NICOL1: variants seen among roughly 807,000 people sequenced by gnomAD.
The protein encoded by NICOL1 is NELL2-interacting cell ontogeny regulator 1.
At chr4:2,042,012 G>A in the NICOL1 span, 1 of 1,471,228 alleles carries the variant, frequency 6.8e-7, no homozygotes, top group Non-Finnish European at 8.9e-7. Flanking sequence ...TTGCGCGCCG[G>A]ACGCGGAACG....
chr4:2,037,562 T>C, the NICOL1 span, among the ~76,000 whole-genome samples: 1 of 152,224 alleles, frequency 6.6e-6, no homozygotes, highest in African/African-American at 2.4e-5. Flanking sequence ...TTTCTTCATA[T>C]GAAAAAATAA....
chr4:2,042,101 G>A, the NICOL1 span: 1 of 1,484,088 alleles, frequency 6.7e-7, no homozygotes, highest in Non-Finnish European at 8.9e-7. Context: ...CCGAATGGGC[G>A]TTTTCTAGAT....
At chr4:2,042,315 C>A in the NICOL1 span, 2 of 661,604 alleles carry the variant, frequency 3.0e-6, no homozygotes, top group Non-Finnish European at 4.6e-6. Context: ...GCTGACCCCT[C>A]GCTGGCTTCA....
the NICOL1 span, among the ~76,000 whole-genome samples, chr4:2,043,667 G>A: frequency 4.6e-5 from 7 of 152,314 alleles, no homozygotes; most frequent in Non-Finnish European, 8.8e-5. Context: ...CAGACCCCAG[G>A]CAGGCCCCAC....
the NICOL1 span, chr4:2,041,915 A>T: frequency 7.2e-7 from 1 of 1,392,372 alleles, no homozygotes; most frequent in South Asian, 1.5e-5. Flanking sequence ...AGGTTCCTCT[A>T]AACCCGCGGC....
At chr4:2,041,458 C>A in the NICOL1 span, among the ~76,000 whole-genome samples, 1 of 152,102 alleles carries the variant, frequency 6.6e-6, no homozygotes, top group East Asian at 1.9e-4. Flanking sequence ...GAGAGGAGGA[C>A]CCTGGGTTGG....
At chr4:2,037,975 C>A in the NICOL1 span, among the ~76,000 whole-genome samples, 1 of 150,756 alleles carries the variant, frequency 6.6e-6, no homozygotes, top group Non-Finnish European at 1.5e-5. Context: ...ACTATTTTGC[C>A]CTTATATTGC....
the NICOL1 span, among the ~76,000 whole-genome samples, chr4:2,040,514 C>T: frequency 6.6e-6 from 1 of 152,226 alleles, no homozygotes; most frequent in African/African-American, 2.4e-5. Flanking sequence ...GGCACGTCCC[C>T]CCCAGGGCTC....
chr4:2,037,340 T>C, the NICOL1 span, among the ~76,000 whole-genome samples: 2 of 152,192 alleles, frequency 1.3e-5, no homozygotes, highest in African/African-American at 2.4e-5. Context: ...GTGATCAACC[T>C]GCCTCGGCCT....
At chr4:2,036,604 T>C in the NICOL1 span, among the ~76,000 whole-genome samples, 3 of 152,108 alleles carry the variant, frequency 2.0e-5, no homozygotes. Flanking sequence ...AGACGGAAGC[T>C]CCACTACAAC....
At chr4:2,042,474 C>T in the NICOL1 span, 1 of 420,696 alleles carries the variant, frequency 2.4e-6, no homozygotes. Flanking sequence ...GGAGTGCCGT[C>T]CCCGCGCAGA....
the NICOL1 span, chr4:2,042,588 G>A: frequency 1.0e-5 from 5 of 502,236 alleles, no homozygotes; most frequent in South Asian, 5.6e-5. Flanking sequence ...TTTGTTCCCG[G>A]GAGCGGGTCC....
At chr4:2,041,260 TC>T in the NICOL1 span, among the ~76,000 whole-genome samples, 1 of 151,276 alleles carries the variant, frequency 6.6e-6, no homozygotes, top group South Asian at 2.1e-4. Context: ...GCTGGGACCA[TC>T]CCTCCCAGGG....
chr4:2,042,493 CG>C, the NICOL1 span: 5 of 413,334 alleles, frequency 1.2e-5, no homozygotes, highest in South Asian at 1.5e-4. Context: ...GAGTAGGTGC[CG>C]GGGGCCGGGT....
At chr4:2,041,831 G>T in the NICOL1 span, 3 of 702,094 alleles carry the variant, frequency 4.3e-6, no homozygotes, top group Non-Finnish European at 6.4e-6. Flanking sequence ...GACTGCATCC[G>T]CCATGGGCCT....
chr4:2,042,320 G>C, the NICOL1 span: 4 of 617,430 alleles, frequency 6.5e-6, no homozygotes, highest in Non-Finnish European at 1.0e-5. Context: ...CCCCTCGCTG[G>C]CTTCAGGGCG....
chr4:2,037,846 A>G, the NICOL1 span, among the ~76,000 whole-genome samples: 1 of 151,620 alleles, frequency 6.6e-6, no homozygotes, highest in African/African-American at 2.4e-5. Flanking sequence ...TTCATAAAAG[A>G]CTACATATAT....
At chr4:2,043,744 C>A in the NICOL1 span, 2 of 775,620 alleles carry the variant, frequency 2.6e-6, no homozygotes, top group Non-Finnish European at 4.2e-6. Flanking sequence ...AGAGCCAGGG[C>A]CTGACCTTGT....
At chr4:2,042,438 C>T in the NICOL1 span, 1 of 445,112 alleles carries the variant, frequency 2.2e-6, no homozygotes, top group Non-Finnish European at 3.9e-6. Context: ...CGCTGCTGGG[C>T]GCCCGGGCCC....
Sources: gnomAD v4.1 joint callset for allele counts (sites outside exome capture counted in the v4.1 genomes callset) on GRCh38, gnomAD v4.1.1 for gene constraint, MANE v1.5 for transcripts, NCBI Gene and HGNC (gene_info 2026-07-23, HGNC 2026-07-21) for gene names.